Variants in KANSL1 observed in about 807,000 individuals in gnomAD.
KANSL1 encodes the protein KAT8 regulatory NSL complex subunit 1.
KANSL1 carries 22 observed loss-of-function variants against 103.6 expected under a neutral mutation model. The observed-to-expected ratio is 0.21, with a 90% CI of 0.15 to 0.30. KANSL1 has a LOEUF of 0.30. Ranked by LOEUF, KANSL1 falls within the 10% of genes least tolerant of loss-of-function variation. KANSL1 has a pLI of 1.00. For synonymous variants in KANSL1, 600 were observed against 527.6 expected, an observed-to-expected ratio of 1.14 and a Z score of -1.88; for missense variants, 1,337 against 1,399.8, an observed-to-expected ratio of 0.96 and a Z score of 0.72.
At chr17:46,201,644 GGAGGATCATTT>G (rs149689152) in intron 1 of KANSL1, among the ~76,000 whole-genome samples, 15,876 of 147,392 alleles carry the variant, frequency 0.11, no homozygotes, top group Non-Finnish European at 0.16. Flanking sequence ...GACCAAGATG[GGAGGATCATTT>G]GAGCCCTGGA....
chr17:46,145,331 T>A (rs1484963176), intron 2 of KANSL1, among the ~76,000 whole-genome samples: 2 of 152,270 alleles, frequency 1.3e-5, no homozygotes, highest in East Asian at 1.9e-4. Flanking sequence ...CCCTTTCTAT[T>A]TCATAAGCTT....
rs67725690 is a variant in KANSL1, at chr17:46,105,947, A to ACC, written c.1290-11248_1290-11247dup. Among the ~76,000 whole-genome samples the ACC allele has an allele frequency of 2.8e-3, 162 of 57,862 alleles. 2 individuals are homozygous for ACC. Among genetic ancestry groups the ACC allele is most frequent in the East Asian group, 0.019 (67 of 3,598 alleles). 38.0% of individuals were successfully genotyped at this position (57,862 alleles called of 152,430 possible). On this transcript the variant is annotated intron_variant, in intron 2 of 14. Coordinates refer to ENST00000432791, the MANE Select transcript of KANSL1 (RefSeq NM_015443.4). ...CACACACACACACACACACACACAC[A>ACC]CCCCCCCAGAAGGGTGAAGGAGCAG...
At chr17:46,063,158 TA>T (rs1252908109) in intron 6 of KANSL1, among the ~76,000 whole-genome samples, 1 of 152,348 alleles carries the variant, frequency 6.6e-6, no homozygotes, top group African/African-American at 2.4e-5. Flanking sequence ...GAAAAAATAT[TA>T]ATCACTTGCT....
At chr17:46,119,782 C>T (rs1230260908) in intron 2 of KANSL1, among the ~76,000 whole-genome samples, 1 of 152,244 alleles carries the variant, frequency 6.6e-6, no homozygotes, top group African/African-American at 2.4e-5. Context: ...AGTCCTTCTA[C>T]ATTTCACATC....
At chr17:46,096,208 C>A (rs564948012) in intron 2 of KANSL1, among the ~76,000 whole-genome samples, 13 of 148,564 alleles carry the variant, frequency 8.8e-5, no homozygotes, top group African/African-American at 3.2e-4. Context: ...GTGGTGCAAT[C>A]ACAGCTCACT....
chr17:46,112,129 G>A (rs1360247826), intron 2 of KANSL1, among the ~76,000 whole-genome samples: 1 of 152,160 alleles, frequency 6.6e-6, no homozygotes, highest in Middle Eastern at 3.2e-3. Context: ...GGCTTTGGGA[G>A]CCCAAGGTGG....
At position 46,034,197 on chromosome 17, in the gene KANSL1, A is replaced by G; in HGVS notation, c.2630T>C (p.Val877Ala). 6.2e-7 allele frequency: 1 copy of G among 1,614,174 alleles called. No individual in the cohort carries two copies. Among genetic ancestry groups the G allele is most frequent in the Non-Finnish European group, 8.5e-7 (1 of 1,179,998 alleles). The change falls in exon 11 of 15, where the codon GTA (valine) becomes GCA (alanine). Residue 877 changes from valine to alanine, a missense_variant. This residue lies in a region of KANSL1 where 780 missense variants were observed against 923.4 expected (regional missense o/e 0.84). Transcript: ENST00000432791. ...GATTTCCTTGTATTGCAGTTTCTCT[A>G]CGCGAGTTGTTGCAGCAACAGACAT... ...IPMSVAATTR[V>A]EKLQYKEILT...
At chr17:46,035,743 T>C (rs1382059466) in intron 10 of KANSL1, 1 of 152,166 alleles carries the variant, frequency 6.6e-6, no homozygotes, top group East Asian at 1.9e-4. Flanking sequence ...TGGTCAAGAA[T>C]AAATGTGAAA....
chr17:46,124,498 G>C (rs955149259), intron 2 of KANSL1, among the ~76,000 whole-genome samples: 1 of 152,200 alleles, frequency 6.6e-6, no homozygotes, highest in African/African-American at 2.4e-5. Context: ...CCATTGTGCA[G>C]CCCACAGATC....
chr17:46,074,723 C>A (rs2078695935), intron 4 of KANSL1, among the ~76,000 whole-genome samples: 1 of 151,510 alleles, frequency 6.6e-6, no homozygotes, highest in African/African-American at 2.4e-5. Context: ...GTGATTGCGA[C>A]ACTGCACTCC....
At chr17:46,056,571 G>A (rs530116083) in intron 6 of KANSL1, among the ~76,000 whole-genome samples, 3 of 152,058 alleles carry the variant, frequency 2.0e-5, no homozygotes, top group Non-Finnish European at 4.4e-5. Flanking sequence ...TTGTAAAACC[G>A]TAAGTATAGC....
chr17:46,096,558 G>A (rs1287882045), intron 2 of KANSL1, among the ~76,000 whole-genome samples: 2 of 151,750 alleles, frequency 1.3e-5, no homozygotes, highest in African/African-American at 4.8e-5. Context: ...AACCTCAGGG[G>A]ATCCGCCCAC....
rs369274727 is a variant in KANSL1, at chr17:46,100,444, C to CAAAAAAAA, written c.1290-5751_1290-5744dup. On this transcript the variant is annotated intron_variant, in intron 2 of 14. Coordinates refer to ENST00000432791, the MANE Select transcript of KANSL1 (RefSeq NM_015443.4). ...ACAACAGAGTGAGACTCCCTCTCCC[C>CAAAAAAAA]AAAAAAAAAAAAAAAAAGCGCCCTC... is the stretch of plus-strand genomic sequence containing the variant. 2.0e-3 allele frequency among the ~76,000 whole-genome samples: 175 copies of CAAAAAAAA among 88,246 alleles called. 9 individuals carry two copies. Among genetic ancestry groups the CAAAAAAAA allele is most frequent in the Middle Eastern group, 6.2e-3 (1 of 162 alleles). 57.9% of individuals were successfully genotyped at this position (88,246 alleles called of 152,430 possible). A position where few individuals can be genotyped will look rare whatever the true frequency, so the allele number is the denominator to read the frequency against.
chr17:46,031,523 G>A lies in KANSL1; in HGVS notation c.3271C>T (p.Arg1091Trp), dbSNP rs922454072. 16 of 1,613,760 alleles carry A rather than the reference G, an allele frequency of 9.9e-6. No homozygotes were observed. The highest frequency in any genetic ancestry group is 1.3e-5 in the African/African-American group (1 of 74,930). ...GCTGTGGCTGCTGCCACCAGATGCC[G>A]ACTCTTGAGGGGGACAATGGGAGGC... ...TSPPIVPLKS[R>W]HLVAAATAQR... The change falls in exon 15 of 15, where the codon CGG becomes TGG. Residue 1091 changes from arginine (R) to tryptophan (W), a missense_variant. Physicochemically the swap from Arg to Trp is moderately radical, Grantham distance 101 (BLOSUM62 -3). Transcript: ENST00000432791.
At chr17:46,071,137 T>C (rs544024278) in intron 4 of KANSL1, among the ~76,000 whole-genome samples, 119 of 152,340 alleles carry the variant, frequency 7.8e-4, no homozygotes, top group African/African-American at 2.8e-3. Context: ...GATTTTCTTA[T>C]AGAAACCTGA....
chr17:46,066,652 T>C lies in KANSL1; in HGVS notation c.1733A>G (p.Asn578Ser). The C allele has an allele frequency of 6.2e-7, 1 of 1,614,134 alleles. No homozygotes were observed. Among genetic ancestry groups the C allele is most frequent in the Non-Finnish European group, 8.5e-7 (1 of 1,179,998 alleles). The change falls in exon 6 of 15, where the codon AAT becomes AGT. Residue 578 changes from asparagine to serine, a missense_variant. Transcript: ENST00000432791. ...GCCATCAGATGATGAAGAGACGAGA[T>C]TCAGTCGTTGCTTCTTATGTAATTG... is the stretch of plus-strand genomic sequence containing the variant. Reference protein sequence around the residue: ...EEQLHKKQRLNLVSSSSDGTC... With the variant: ...EEQLHKKQRLSLVSSSSDGTC...
chr17:46,060,346 A>C (rs2078113606), intron 6 of KANSL1, among the ~76,000 whole-genome samples: 1 of 152,228 alleles, frequency 6.6e-6, no homozygotes, highest in African/African-American at 2.4e-5. Context: ...AGCATATCCC[A>C]CAACTGGCTC....
At chr17:46,162,079 A>G (rs537404840) in intron 2 of KANSL1, among the ~76,000 whole-genome samples, 19 of 152,370 alleles carry the variant, frequency 1.2e-4, no homozygotes, top group Admixed American at 9.8e-4. Context: ...GGTAAGATTT[A>G]TTCTTATGTT....
At position 46,094,391 on chromosome 17, in the gene KANSL1, G is replaced by A. The variant is rs72628324; in HGVS notation, c.1431+169C>T. The A allele has an allele frequency of 0.14, 112,602 of 798,858 alleles. 8,969 individuals are homozygous for A. The highest frequency in any genetic ancestry group is 0.43 in the East Asian group (14,252 of 33,506). The allele number at this position is 798,858 out of a possible 1,614,324, so 49.5% of individuals were successfully genotyped here. On this transcript the variant is annotated intron_variant, in intron 3 of 14. Transcript: ENST00000432791. Reference sequence around the variant, plus strand: ...GGATCACAAGAGTGAGCCACCACGCGCAGCCACATCAGGTTCTTAAATTAA... The same window carrying A: ...GGATCACAAGAGTGAGCCACCACGCACAGCCACATCAGGTTCTTAAATTAA...
Sources: gnomAD v4.1 joint callset for allele counts (sites outside exome capture counted in the v4.1 genomes callset) on GRCh38, gnomAD v4.1.1 for gene constraint, gnomAD v4.1.1 regional missense constraint, MANE v1.5 for transcripts, NCBI Gene and HGNC (gene_info 2026-07-23, HGNC 2026-07-21) for gene names.